Variants in DNAH7 observed in about 807,000 individuals in gnomAD.
DNAH7 encodes dynein axonemal heavy chain 7.
A neutral mutation model predicts 444.6 loss-of-function variants in DNAH7; 397 were observed. That is an observed-to-expected ratio of 0.89 (90% confidence interval 0.82 to 0.97). DNAH7 has a LOEUF of 0.97. Ranked by LOEUF, DNAH7 falls within the 50% of genes least tolerant of loss-of-function variation. The probability of loss-of-function intolerance (pLI) is 0.00; values close to 1 mark genes in which losing one functional copy is unlikely to be tolerated. For synonymous variants in DNAH7, 1,636 were observed against 1,624.4 expected (o/e 1.01, Z -0.17); for missense variants, 4,902 against 4,800.8 (o/e 1.02, Z -0.62).
chr2:196,004,821 C>T (rs1694259667), intron 10 of DNAH7, among the ~76,000 whole-genome samples: 1 of 151,562 alleles, frequency 6.6e-6, no homozygotes, highest in Admixed American at 6.6e-5. Context: ...CTTAGCTAGG[C>T]ATGGTGACAT....
intron 16 of DNAH7, among the ~76,000 whole-genome samples, 198 bp from the exon 17 acceptor site, chr2:195,970,292 AACTC>A (rs1317549329): frequency 6.6e-6 from 1 of 152,212 alleles, no homozygotes; most frequent in African/African-American, 2.4e-5. Context: ...AGATTCCTCT[AACTC>A]ACAGATTAGA....
intron 2 of DNAH7, among the ~76,000 whole-genome samples, chr2:196,056,419 G>GA (rs57708138): frequency 0.012 from 1,356 of 115,146 alleles, 11 homozygotes; most frequent in East Asian, 0.049. Context: ...CACTCTGTCT[G>GA]AAAAAAAAAA....
At chr2:195,999,104 T>C (rs1693883692) in intron 12 of DNAH7, 1 of 717,066 alleles carries the variant, frequency 1.4e-6, no homozygotes, top group South Asian at 1.5e-5. Context: ...AATTGGCATC[T>C]CCATGTAAAG....
intron 46 of DNAH7, among the ~76,000 whole-genome samples, chr2:195,846,053 T>A (rs576873234): frequency 6.6e-6 from 1 of 152,216 alleles, no homozygotes; most frequent in African/African-American, 2.4e-5. Context: ...AAATAAACTA[T>A]CAGCAGAGTA....
At chr2:195,843,044 A>G (rs1344818342) in intron 47 of DNAH7, among the ~76,000 whole-genome samples, 1 of 152,228 alleles carries the variant, frequency 6.6e-6, no homozygotes, top group Non-Finnish European at 1.5e-5. Flanking sequence ...GATAAAAACA[A>G]TAACAAAAGC....
intron 57 of DNAH7, among the ~76,000 whole-genome samples, chr2:195,792,264 G>A (rs761068248): frequency 1.7e-4 from 25 of 150,900 alleles, no homozygotes; most frequent in Non-Finnish European, 3.2e-4. Context: ...TGGGTACTAT[G>A]CTCACTACCT....
At chr2:196,061,113 ACT>A (rs1448047981) in intron 1 of DNAH7, among the ~76,000 whole-genome samples, 1 of 152,090 alleles carries the variant, frequency 6.6e-6, no homozygotes, top group African/African-American at 2.4e-5. Flanking sequence ...CTTAAAATCT[ACT>A]CTAATAGCAG....
At chr2:195,995,276 A>G (rs1006050499) in intron 12 of DNAH7, 9 of 460,926 alleles carry the variant, frequency 2.0e-5, no homozygotes, top group Non-Finnish European at 3.0e-5. Flanking sequence ...TGGTGATATC[A>G]TAAGTCCTTC....
intron 33 of DNAH7, among the ~76,000 whole-genome samples, chr2:195,886,511 C>G (rs904723045): frequency 1.3e-5 from 2 of 152,074 alleles, no homozygotes; most frequent in Non-Finnish European, 2.9e-5. Context: ...ATTGCTGTTA[C>G]GTGTGCAGTT....
intron 63 of DNAH7, among the ~76,000 whole-genome samples, chr2:195,749,432 C>G (rs1371542435): frequency 6.6e-6 from 1 of 152,130 alleles, no homozygotes; most frequent in Admixed American, 6.5e-5. Flanking sequence ...GGCGATTCCT[C>G]AGGGTTCTAG....
chr2:195,929,945 CTG>C (rs763042185), intron 21 of DNAH7, among the ~76,000 whole-genome samples: 11 of 152,200 alleles, frequency 7.2e-5, no homozygotes, highest in Non-Finnish European at 1.0e-4. Flanking sequence ...AACCTATAGA[CTG>C]TGAGAAAACA....
At position 196,044,825 on chromosome 2, in the gene DNAH7, TGA is replaced by T. The variant is rs1249366887; in HGVS notation, c.398+2525_398+2526del. 1.5e-4 allele frequency among the ~76,000 whole-genome samples: 23 copies of T among 152,206 alleles called. No individual in the cohort carries two copies. In the East Asian group the frequency reaches 3.9e-3, roughly 26 times the overall value. On this transcript the variant is annotated intron_variant, in intron 5 of 64. Transcript: ENST00000312428. ...GCTCACACCTATAATCCCAGCACTC[TGA>T]GAGGTTGAGGTAGGGGACCACTTGA...
At chr2:196,058,653 A>G (rs1184205192) in intron 1 of DNAH7, among the ~76,000 whole-genome samples, 1 of 152,176 alleles carries the variant, frequency 6.6e-6, no homozygotes, top group Non-Finnish European at 1.5e-5. Flanking sequence ...AGACCTATAC[A>G]ATGAAACCAT....
chr2:195,987,723 C>T (rs552105964), intron 13 of DNAH7, among the ~76,000 whole-genome samples: 6 of 152,128 alleles, frequency 3.9e-5, no homozygotes, highest in South Asian at 4.2e-4. Context: ...ATATAAAATA[C>T]GTGTCAGAGT....
intron 60 of DNAH7, among the ~76,000 whole-genome samples, chr2:195,774,606 T>C (rs537084643): frequency 7.2e-5 from 11 of 152,318 alleles, no homozygotes; most frequent in Admixed American, 2.6e-4. Context: ...GACCGCTTGG[T>C]TTTGAGTCCT....
chr2:195,873,614 TG>T lies in DNAH7; in HGVS notation c.6366del (p.Met2123CysfsTer9). On this transcript the variant is annotated frameshift_variant, in exon 39 of 65. Coordinates refer to ENST00000312428, the MANE Select transcript of DNAH7 (RefSeq NM_018897.3). LOFTEE classifies it high-confidence loss of function. Reference sequence around the variant, plus strand: ...AAGATTCTAGAGAAGATTGTATACATGGATTTATCACTAAACTCATTGATTG... The same window carrying T: ...AAGATTCTAGAGAAGATTGTATACATGATTTATCACTAAACTCATTGATTG... ...IITINEFSDKSMYTIFSRILT... is the reference protein window; with the variant it reads ...IITINEFSDKXMYTIFSRILT... 1 of 1,501,520 alleles carries T rather than the reference TG, an allele frequency of 6.7e-7. No homozygotes were observed. Among genetic ancestry groups the T allele is most frequent in the Non-Finnish European group, 8.9e-7 (1 of 1,121,662 alleles). The allele number at this position is 1,501,520 out of a possible 1,614,324, so 93.0% of individuals were successfully genotyped here.
intron 24 of DNAH7, 71 bp downstream of exon 24, chr2:195,922,017 T>A: frequency 1.1e-6 from 1 of 885,790 alleles, no homozygotes; most frequent in Non-Finnish European, 1.8e-6. Context: ...AATTTGGTAT[T>A]TTTAAATAAA....
At chr2:196,060,877 G>A (rs1273168706) in intron 1 of DNAH7, among the ~76,000 whole-genome samples, 1 of 152,060 alleles carries the variant, frequency 6.6e-6, no homozygotes, top group Non-Finnish European at 1.5e-5. Context: ...TCAATTTCCA[G>A]AATGATTATA....
At chr2:196,029,022 T>G (rs947958317) in intron 5 of DNAH7, among the ~76,000 whole-genome samples, 1 of 152,200 alleles carries the variant, frequency 6.6e-6, no homozygotes, top group Admixed American at 6.5e-5. Context: ...ATTCAATAGA[T>G]AGCTAGTGAT....
Sources: gnomAD v4.1 joint callset for allele counts (sites outside exome capture counted in the v4.1 genomes callset) on GRCh38, gnomAD v4.1.1 for gene constraint, MANE v1.5 for transcripts, NCBI Gene and HGNC (gene_info 2026-07-23, HGNC 2026-07-21) for gene names.